The following ERCC8 variants were observed in gnomAD, a reference collection of about 807,000 sequenced individuals.
ERCC8 encodes DNA excision repair protein ERCC-8.
A neutral mutation model predicts 54.9 loss-of-function variants in ERCC8; 52 were observed. The ratio of observed to expected loss-of-function variants is 0.95; its 90% CI spans 0.76 to 1.19. The LOEUF (loss-of-function observed/expected upper bound fraction) is 1.19. Among genes scored for constraint, ERCC8 ranks in the 50% most tolerant of loss-of-function variants. ERCC8 has a pLI of 0.00. For missense variants in ERCC8, 514 were observed against 466.1 expected, an observed-to-expected ratio of 1.10 and a Z score of -0.95; for synonymous variants, 146 against 157.2, an observed-to-expected ratio of 0.93 and a Z score of 0.53.
rs1748782654 is a variant in ERCC8, at chr5:60,898,495, T to C, written c.719-95A>G. ...ATTAAACATATTAAAGGACAACTAC[T>C]TGAGTTACTTAAAAAATGTAAGTAG... is the stretch of plus-strand genomic sequence containing the variant. On this transcript the variant is annotated intron_variant, in intron 8 of 11. Coordinates refer to ENST00000676185, the MANE Select transcript of ERCC8 (RefSeq NM_000082.4). The C allele has an allele frequency of 4.3e-6, 6 of 1,398,966 alleles. No homozygotes were observed. The South Asian group carries it at 4.8e-5, about 11-fold the overall frequency. 86.7% of individuals were successfully genotyped at this position (1,398,966 alleles called of 1,614,324 possible). A position where few individuals can be genotyped will look rare whatever the true frequency, so the allele number is the denominator to read the frequency against.
chr5:60,886,703 A>AAAAAATAAAAAT (rs537368621), intron 11 of ERCC8, among the ~76,000 whole-genome samples: 6,301 of 142,662 alleles, frequency 0.044, 504 homozygotes, highest in African/African-American at 0.16. Context: ...CTCCATCTCA[A>AAAAAATAAAAAT]AAAAATAAAA....
intron 11 of ERCC8, among the ~76,000 whole-genome samples, chr5:60,883,919 A>G (rs1375497542): frequency 6.6e-6 from 1 of 152,182 alleles, no homozygotes; most frequent in Non-Finnish European, 1.5e-5. Context: ...AAGACCATAA[A>G]TCCTGTCCCT....
intron 11 of ERCC8, among the ~76,000 whole-genome samples, chr5:60,885,716 T>C (rs899149844): frequency 1.8e-4 from 27 of 151,646 alleles, no homozygotes; most frequent in Admixed American, 1.6e-3. Flanking sequence ...TTTTTTTCTC[T>C]TTATTTGGAT....
chr5:60,899,352 A>G (rs1438234648), intron 8 of ERCC8, among the ~76,000 whole-genome samples: 1 of 152,034 alleles, frequency 6.6e-6, no homozygotes, highest in Non-Finnish European at 1.5e-5. Flanking sequence ...GCCTCAATGG[A>G]GCAAAAACAA....
At chr5:60,883,978 A>C (rs962444725) in intron 11 of ERCC8, among the ~76,000 whole-genome samples, 10 of 152,308 alleles carry the variant, frequency 6.6e-5, no homozygotes, top group African/African-American at 2.4e-4. Flanking sequence ...TTCATCTTCT[A>C]CTTTGGATAT....
At chr5:60,906,722 CTG>C (rs1174649638) in intron 4 of ERCC8, among the ~76,000 whole-genome samples, 1 of 143,140 alleles carries the variant, frequency 7.0e-6, no homozygotes, top group East Asian at 2.2e-4. Flanking sequence ...GAGCAAAACT[CTG>C]TCTCAAAAAT....
chr5:60,880,657 C>T (rs1748183693), intron 11 of ERCC8, among the ~76,000 whole-genome samples: 1 of 152,226 alleles, frequency 6.6e-6, no homozygotes, highest in South Asian at 2.1e-4. Flanking sequence ...TTGATCAAAT[C>T]AGCTACTGAG....
In ERCC8 at chr5:60,935,401, C is replaced by T. The variant is rs1182334091; in HGVS notation, c.78-6442G>A. On this transcript the variant is annotated intron_variant, in intron 1 of 11. Coordinates refer to ENST00000676185, the MANE Select transcript of ERCC8 (RefSeq NM_000082.4). ...ATGTTAATTTTGTATCCTGAAACTT[C>T]GCTGAATTCATTTACCAGTTCTAGG... Among the ~76,000 whole-genome samples, 10 of 152,228 alleles carry T rather than the reference C, an allele frequency of 6.6e-5. No individual in the cohort carries two copies. In the East Asian group the frequency reaches 1.5e-3, roughly 23 times the overall value.
chr5:60,875,893 CT>C (rs10661271), intron 11 of ERCC8, among the ~76,000 whole-genome samples: 4 of 151,054 alleles, frequency 2.6e-5, no homozygotes, highest in East Asian at 1.9e-4. Context: ...TTTATTTTTT[CT>C]TTTTTTTATT....
chr5:60,904,628 G>GTATA (rs1362263921), intron 5 of ERCC8, among the ~76,000 whole-genome samples, 164 bp downstream of exon 5: 100 of 67,704 alleles, frequency 1.5e-3, no homozygotes, highest in Non-Finnish European at 2.2e-3. Context: ...TATAGTGTGT[G>GTATA]TGTGTGTATA....
At chr5:60,933,216 C>CTTTTTTCTTTTTTTT (rs1749963138) in intron 1 of ERCC8, among the ~76,000 whole-genome samples, 1 of 89,484 alleles carries the variant, frequency 1.1e-5, no homozygotes, top group African/African-American at 4.3e-5. Flanking sequence ...CCTTTTTTTT[C>CTTTTTTCTTTTTTTT]TTTTTTTTTT....
intron 7 of ERCC8, among the ~76,000 whole-genome samples, chr5:60,900,415 T>A (rs1224334356): frequency 6.6e-6 from 1 of 152,008 alleles, no homozygotes; most frequent in Admixed American, 6.6e-5. Context: ...GTGCTCCTAA[T>A]CAGTTCAACT....
chr5:60,903,794 T>C, intron 5 of ERCC8, 78 bp from the exon 6 acceptor site: 1 of 1,388,356 alleles, frequency 7.2e-7, no homozygotes, highest in Non-Finnish European at 1.0e-6. Flanking sequence ...TCATTAGTAA[T>C]CATGACATTT....
intron 11 of ERCC8, among the ~76,000 whole-genome samples, chr5:60,882,648 A>G (rs374312359): frequency 1.9e-4 from 29 of 151,610 alleles, no homozygotes; most frequent in Non-Finnish European, 4.4e-5. Context: ...TGGCCTCCCA[A>G]AGTGCTGGGA....
chr5:60,904,902 T>G (rs1375430885), intron 4 of ERCC8, 29 bp from the exon 5 acceptor site: 5 of 1,089,208 alleles, frequency 4.6e-6, no homozygotes, highest in Non-Finnish European at 7.1e-6. Flanking sequence ...TTAAAAAGTA[T>G]AAGGTTTAAG....
chr5:60,879,341 C>T (rs1245495490), intron 11 of ERCC8, among the ~76,000 whole-genome samples: 5 of 152,046 alleles, frequency 3.3e-5, no homozygotes, highest in Non-Finnish European at 7.4e-5. Context: ...AGAATGTATA[C>T]TCTGTTGATT....
intron 4 of ERCC8, among the ~76,000 whole-genome samples, chr5:60,913,381 GA>G (rs1474588133): frequency 1.3e-5 from 2 of 152,120 alleles, no homozygotes; most frequent in African/African-American, 2.4e-5. Flanking sequence ...GATTTGCATA[GA>G]GGTGTTTATT....
intron 1 of ERCC8, among the ~76,000 whole-genome samples, chr5:60,931,114 C>T (rs989008386): frequency 2.0e-5 from 3 of 147,320 alleles, no homozygotes; most frequent in Admixed American, 1.3e-4. Flanking sequence ...AGCAAGACTC[C>T]GTCTCAAAAA....
At chr5:60,879,528 A>G (rs1036351560) in intron 11 of ERCC8, among the ~76,000 whole-genome samples, 3 of 152,110 alleles carry the variant, frequency 2.0e-5, no homozygotes, top group African/African-American at 7.2e-5. Context: ...GTCTCTAAGG[A>G]CTTGTTTTAT....
Sources: allele counts gnomAD v4.1 joint callset (sites outside exome capture counted in the v4.1 genomes callset), GRCh38; gene constraint gnomAD v4.1.1; transcripts MANE v1.5; gene names NCBI Gene and HGNC (gene_info 2026-07-23, HGNC 2026-07-21).